CPQ: variants seen among roughly 807,000 people sequenced by gnomAD.
The protein encoded by CPQ is Ser-Met dipeptidase.
A neutral mutation model predicts 45.7 loss-of-function variants in CPQ; 37 were observed. The observed-to-expected ratio is 0.81, with a 90% CI of 0.62 to 1.07. CPQ has a LOEUF of 1.07. Among genes scored for constraint, CPQ ranks in the 50% least tolerant of loss-of-function variants. CPQ has a pLI of 0.00. For missense variants in CPQ, 537 were observed against 572.9 expected (o/e 0.94, Z 0.64); for synonymous variants, 186 against 205.8 (o/e 0.90, Z 0.82).
chr8:96,969,067 C>A (rs1166275149), intron 5 of CPQ, among the ~76,000 whole-genome samples: 2 of 152,184 alleles, frequency 1.3e-5, no homozygotes, highest in Non-Finnish European at 2.9e-5. Context: ...AAATAAACTA[C>A]CATCCATCCC....
intron 1 of CPQ, among the ~76,000 whole-genome samples, chr8:96,728,513 G>A (rs541742551): frequency 3.9e-5 from 6 of 152,086 alleles, no homozygotes; most frequent in Admixed American, 6.6e-5. Context: ...TCTTAGAAAC[G>A]GTCACAATAT....
At chr8:96,687,867 A>G (rs112906186) in intron 1 of CPQ, among the ~76,000 whole-genome samples, 3,687 of 152,166 alleles carry the variant, frequency 0.024, 165 homozygotes, top group African/African-American at 0.084. Flanking sequence ...GAAAACTGTC[A>G]AAGTTTTTTT....
At chr8:96,996,520 G>T (rs75300539) in intron 5 of CPQ, among the ~76,000 whole-genome samples, 3,550 of 152,028 alleles carry the variant, frequency 0.023, 146 homozygotes, top group African/African-American at 0.08. Context: ...TGTAAAGAGG[G>T]TACAAAATCT....
At chr8:96,975,588 T>C (rs1438469541) in intron 5 of CPQ, among the ~76,000 whole-genome samples, 1 of 151,562 alleles carries the variant, frequency 6.6e-6, no homozygotes, top group Non-Finnish European at 1.5e-5. Context: ...GATGCTAAAA[T>C]CCTCAACAAA....
intron 5 of CPQ, among the ~76,000 whole-genome samples, chr8:97,015,518 G>A (rs1342260903): frequency 3.3e-5 from 5 of 152,060 alleles, no homozygotes; most frequent in African/African-American, 1.2e-4. Context: ...GATTGTGTGT[G>A]CATATGTGTG....
chr8:96,987,414 TA>T (rs1432406239), intron 5 of CPQ, among the ~76,000 whole-genome samples: 1 of 151,522 alleles, frequency 6.6e-6, no homozygotes, highest in Non-Finnish European at 1.5e-5. Context: ...ACAGAAATGA[TA>T]AGGAAGTATA....
intron 6 of CPQ, among the ~76,000 whole-genome samples, chr8:97,048,969 A>G (rs1271301332): frequency 6.6e-6 from 1 of 152,208 alleles, no homozygotes; most frequent in Non-Finnish European, 1.5e-5. Context: ...GGGAAAAAAA[A>G]TATTCACTTG....
At chr8:97,000,609 T>C (rs2130423584) in intron 5 of CPQ, among the ~76,000 whole-genome samples, 1 of 152,280 alleles carries the variant, frequency 6.6e-6, no homozygotes, top group Non-Finnish European at 1.5e-5. Context: ...GTGTCTGTTT[T>C]TGTACCAGTA....
At chr8:96,992,886 A>G (rs557835682) in intron 5 of CPQ, among the ~76,000 whole-genome samples, 88 of 152,268 alleles carry the variant, frequency 5.8e-4, no homozygotes, top group South Asian at 3.9e-3. Context: ...ATTTTCTGTT[A>G]ACACAAATTG....
chr8:97,014,827 T>G (rs1809552173), intron 5 of CPQ, among the ~76,000 whole-genome samples: 1 of 152,064 alleles, frequency 6.6e-6, no homozygotes, highest in Non-Finnish European at 1.5e-5. Context: ...TCTTTGAAAA[T>G]GTAGATAACA....
intron 1 of CPQ, among the ~76,000 whole-genome samples, chr8:96,679,118 G>A (rs952044981): frequency 7.9e-5 from 12 of 151,908 alleles, no homozygotes; most frequent in Non-Finnish European, 1.2e-4. Context: ...CTTCTGCATG[G>A]ATATTCAGTT....
At chr8:96,783,469 A>G (rs1341447682) in intron 1 of CPQ, among the ~76,000 whole-genome samples, 1 of 152,142 alleles carries the variant, frequency 6.6e-6, no homozygotes, top group Non-Finnish European at 1.5e-5. Context: ...AGAGAGATCA[A>G]AGGAGACACA....
At chr8:96,743,440 A>T (rs1261734375) in intron 1 of CPQ, among the ~76,000 whole-genome samples, 4 of 152,164 alleles carry the variant, frequency 2.6e-5, no homozygotes, top group African/African-American at 9.6e-5. Flanking sequence ...CATAGCTTGG[A>T]GTAATTTGAT....
intron 1 of CPQ, among the ~76,000 whole-genome samples, chr8:96,702,623 G>A (rs57782006): frequency 0.024 from 3,685 of 152,170 alleles, 165 homozygotes; most frequent in African/African-American, 0.084. Context: ...TGAGGTAGGC[G>A]ATGGTACTAT....
chr8:96,991,598 AATAATG>A (rs1809094167), intron 5 of CPQ, among the ~76,000 whole-genome samples: 1 of 110,420 alleles, frequency 9.1e-6, no homozygotes, highest in Non-Finnish European at 1.9e-5. Flanking sequence ...TAATAATAAT[AATAATG>A]CTTTCCCTAC....
intron 7 of CPQ, among the ~76,000 whole-genome samples, chr8:97,071,126 T>C (rs1278560395): frequency 6.6e-6 from 1 of 152,180 alleles, no homozygotes; most frequent in Admixed American, 6.6e-5. Context: ...GTTTTTAGTG[T>C]GGTGGCTTGT....
chr8:96,861,325 G>A (rs1811923408), intron 3 of CPQ, among the ~76,000 whole-genome samples: 1 of 152,108 alleles, frequency 6.6e-6, no homozygotes, highest in African/African-American at 2.4e-5. Context: ...CTAAGACAAA[G>A]CAGAAAATTG....
At chr8:96,810,783 G>A (rs1046094733) in intron 2 of CPQ, among the ~76,000 whole-genome samples, 1 of 152,148 alleles carries the variant, frequency 6.6e-6, no homozygotes, top group Admixed American at 6.6e-5. Flanking sequence ...CTATAGTCTT[G>A]TCAGTCCTTT....
chr8:96,930,605 AT>A (rs1441815026), intron 4 of CPQ, among the ~76,000 whole-genome samples: 1 of 152,198 alleles, frequency 6.6e-6, no homozygotes, highest in Admixed American at 6.5e-5. Flanking sequence ...CAGTGGTTAC[AT>A]GGAAAGACTT....
Sources: gnomAD v4.1 joint callset for allele counts (sites outside exome capture counted in the v4.1 genomes callset) on GRCh38, gnomAD v4.1.1 for gene constraint, MANE v1.5 for transcripts, NCBI Gene and HGNC (gene_info 2026-07-23, HGNC 2026-07-21) for gene names.